SDR42E1: variants seen among roughly 807,000 people sequenced by gnomAD.
SDR42E1 encodes short-chain dehydrogenase/reductase family 42E member 1.
In SDR42E1, 5 loss-of-function variants were observed where a neutral mutation model predicts 2.6. That is an observed-to-expected ratio of 1.94 (90% CI 1.01 to 4.08). SDR42E1 has a LOEUF of 4.08. Among genes scored for constraint, SDR42E1 ranks in the 30% most tolerant of loss-of-function variants. The pLI is 0.00. For synonymous variants in SDR42E1, 231 were observed against 188.3 expected (o/e 1.23, Z -1.86); for missense variants, 596 against 478.6 (o/e 1.25, Z -2.29).
At position 81,998,997 on chromosome 16, in the gene SDR42E1, T is replaced by G. The variant is rs1205479096; in HGVS notation, c.*114A>C. On this transcript the variant is annotated 3_prime_UTR_variant, in exon 3 of 3. Coordinates refer to ENST00000328945, the MANE Select transcript of SDR42E1 (RefSeq NM_145168.3). ...TTCAATCCAAGAACCTATTCTTAAG[T>G]AGCAATTTGAAGAGCCAATGTTTGG... 9.3e-7 allele frequency: 1 copy of G among 1,069,800 alleles called. No individual in the cohort carries two copies. The highest frequency in any genetic ancestry group is 1.6e-5 in the African/African-American group (1 of 62,858). 66.3% of individuals were successfully genotyped at this position (1,069,800 alleles called of 1,614,324 possible). A position where few individuals can be genotyped will look rare whatever the true frequency, so the allele number is the denominator to read the frequency against.
In SDR42E1 at chr16:81,998,045, G is replaced by A. The variant is rs1008666610; in HGVS notation, c.*1066C>T. On this transcript the variant is annotated 3_prime_UTR_variant, in exon 3 of 3. Coordinates refer to ENST00000328945, the MANE Select transcript of SDR42E1 (RefSeq NM_145168.3). ...ATGGACTCTGTCTTCTTTCCACTTG[G>A]GTTCCTATGCAACAGTGTAACTGGA... The A allele has an allele frequency of 6.6e-6, 1 of 152,140 alleles. No homozygotes were observed. Among genetic ancestry groups the A allele is most frequent in the East Asian group, 1.9e-4 (1 of 5,200 alleles). 9.4% of individuals were successfully genotyped at this position (152,140 alleles called of 1,614,324 possible). A position where few individuals can be genotyped will look rare whatever the true frequency, so the allele number is the denominator to read the frequency against.
chr16:82,004,058 C>G (rs1025839254), intron 1 of SDR42E1, among the ~76,000 whole-genome samples: 1 of 152,080 alleles, frequency 6.6e-6, no homozygotes, highest in African/African-American at 2.4e-5. Flanking sequence ...AGATACAAAC[C>G]CAAACGAGAC....
chr16:82,001,989 C>CACAT (rs1191813271), intron 1 of SDR42E1, among the ~76,000 whole-genome samples: 1 of 150,812 alleles, frequency 6.6e-6, no homozygotes, highest in African/African-American at 2.5e-5. Flanking sequence ...CACACACACA[C>CACAT]ACATATACCT....
In SDR42E1 at chr16:81,999,347, C is replaced by G. The variant is rs1490363337; in HGVS notation, c.946G>C (p.Val316Leu). 6.2e-7 allele frequency: 1 copy of G among 1,614,104 alleles called. No homozygotes were observed. The highest frequency in any genetic ancestry group is 8.5e-7 in the Non-Finnish European group (1 of 1,180,056). Reference sequence around the variant, plus strand: ...TAATGTGTGACACCAGTTTTGTAAACTTCAGTGCGAGTGAGGAAGGGCTGG... The same window carrying G: ...TAATGTGTGACACCAGTTTTGTAAAGTTCAGTGCGAGTGAGGAAGGGCTGG... ...NFQPFLTRTE[V>L]YKTGVTHYFS... is the part of the protein sequence containing the mutation. Residue 316 changes from valine to leucine, a missense_variant, in exon 3 of 3, where the codon GTT becomes CTT. Coordinates refer to ENST00000328945, the MANE Select transcript of SDR42E1 (RefSeq NM_145168.3).
At position 81,994,167 on chromosome 16, in the gene SDR42E1, G is replaced by C. The variant is rs940412518; in HGVS notation, c.*4944C>G. 1 of 152,162 alleles carries C rather than the reference G, an allele frequency of 6.6e-6. No individual in the cohort carries two copies. Among genetic ancestry groups the C allele is most frequent in the African/African-American group, 2.4e-5 (1 of 41,424 alleles). 9.4% of individuals were successfully genotyped at this position (152,162 alleles called of 1,614,324 possible). ...AAGACTCACGTGAGAGGACGATCTG[G>C]AATGATGAGCGTCCCGCAGGCAGCG... On this transcript the variant is annotated 3_prime_UTR_variant, in exon 3 of 3. Coordinates refer to ENST00000328945, the MANE Select transcript of SDR42E1 (RefSeq NM_145168.3).
At chr16:82,006,014 A>C (rs1261080621) in intron 1 of SDR42E1, among the ~76,000 whole-genome samples, 1 of 152,236 alleles carries the variant, frequency 6.6e-6, no homozygotes, top group African/African-American at 2.4e-5. Flanking sequence ...TAAATGCTAA[A>C]GATCAGAAAT....
intron 1 of SDR42E1, among the ~76,000 whole-genome samples, chr16:82,006,640 A>T (rs1349781048): frequency 2.0e-5 from 3 of 152,138 alleles, no homozygotes; most frequent in Non-Finnish European, 4.4e-5. Flanking sequence ...TAAAAACAGA[A>T]AAAATTCGCC....
intron 1 of SDR42E1, among the ~76,000 whole-genome samples, chr16:82,002,797 A>C (rs550910619): frequency 6.6e-6 from 1 of 152,360 alleles, no homozygotes; most frequent in African/African-American, 2.4e-5. Flanking sequence ...GCTGATAATA[A>C]GCCTGCCTGA....
Position 81,999,805 on chromosome 16 carries a change from A to G in SDR42E1, c.488T>C (p.Val163Ala), listed in dbSNP as rs760278554. 6.2e-6 allele frequency: 10 copies of G among 1,614,064 alleles called. No individual in the cohort carries two copies. The Admixed American group carries it at 1.7e-4, about 27-fold the overall frequency. ...CAGGGGTGTAGCATTCGCCTCCAGC[A>G]CCTTCTGCTCTGCAATTGACTTTGT... ...SRTKSIAEQK[V>A]LEANATPLDR... Residue 163 changes from valine (V) to alanine (A), a missense_variant, in exon 3 of 3, where the codon GTG becomes GCG. Coordinates refer to ENST00000328945, the MANE Select transcript of SDR42E1 (RefSeq NM_145168.3).
chr16:81,999,989 C>A lies in SDR42E1; in HGVS notation c.304G>T (p.Gly102Cys). The change falls in exon 3 of 3, where the codon GGC becomes TGC. Residue 102 changes from glycine to cysteine, a missense_variant. Physicochemically the swap from Gly to Cys is radical, Grantham distance 159. Coordinates refer to ENST00000328945, the MANE Select transcript of SDR42E1 (RefSeq NM_145168.3). ...RNLIKEVNVR[G>C]TDNILQVCQR... ...CAAACCTGGAGGATGTTGTCTGTGC[C>A]CCTGACGTTGACTTCTTTGATCAGG... 1 of 1,614,166 alleles carries A rather than the reference C, an allele frequency of 6.2e-7. No individual in the cohort carries two copies. Among genetic ancestry groups the A allele is most frequent in the Non-Finnish European group, 8.5e-7 (1 of 1,180,030 alleles).
In SDR42E1 at chr16:81,998,948, G is replaced by C. The variant is rs893734657; in HGVS notation, c.*163C>G. On this transcript the variant is annotated 3_prime_UTR_variant, in exon 3 of 3. Coordinates refer to ENST00000328945, the MANE Select transcript of SDR42E1 (RefSeq NM_145168.3). ...TGCTTTTTCATTCCCATCTGGATTAGTGCAAGGAAATAAGACATAAAGATT... is the reference window on the plus strand; with the variant it reads ...TGCTTTTTCATTCCCATCTGGATTACTGCAAGGAAATAAGACATAAAGATT... 1 of 712,948 alleles carries C rather than the reference G, an allele frequency of 1.4e-6. No homozygotes were observed. The allele number at this position is 712,948 out of a possible 1,614,324, so 44.2% of individuals were successfully genotyped here. A position where few individuals can be genotyped will look rare whatever the true frequency, so the allele number is the denominator to read the frequency against.
chr16:81,992,593 T>A lies in SDR42E1; in HGVS notation c.*6518A>T, dbSNP rs1912452303. 1 of 152,204 alleles carries A rather than the reference T, an allele frequency of 6.6e-6. No individual in the cohort carries two copies. Among genetic ancestry groups the A allele is most frequent in the Non-Finnish European group, 1.5e-5 (1 of 68,028 alleles). The allele number at this position is 152,204 out of a possible 1,614,324, so 9.4% of individuals were successfully genotyped here. A position where few individuals can be genotyped will look rare whatever the true frequency, so the allele number is the denominator to read the frequency against. ...AGGCTAGAGCAAAAGATATGTAGAA[T>A]ACTTGCCAAGATTAAAATCTTGCAT... is the stretch of plus-strand genomic sequence containing the variant. On this transcript the variant is annotated 3_prime_UTR_variant, in exon 3 of 3. Transcript: ENST00000328945.
In SDR42E1 at chr16:81,999,560, G is replaced by A. The variant is rs1912665339; in HGVS notation, c.733C>T (p.His245Tyr). The A allele has an allele frequency of 1.1e-5, 18 of 1,614,160 alleles. No individual in the cohort carries two copies. The highest frequency in any genetic ancestry group is 1.4e-5 in the Non-Finnish European group (17 of 1,180,038). ...AAGTAGGGCTGCCCAGAGGCAATAT[G>A]GCCCTTGTCAGCTCTCAGGGCTTCT... The part of the protein sequence containing the change: ...ASEALRADKG[H>Y]IASGQPYFIS... The change falls in exon 3 of 3, where the codon CAT becomes TAT. Residue 245 changes from histidine (H) to tyrosine (Y), a missense_variant. His to Tyr is a moderately conservative substitution (Grantham distance 83). Coordinates refer to ENST00000328945, the MANE Select transcript of SDR42E1 (RefSeq NM_145168.3).
chr16:82,009,179 A>G (rs1913044258), intron 1 of SDR42E1, among the ~76,000 whole-genome samples: 1 of 152,186 alleles, frequency 6.6e-6, no homozygotes, highest in Middle Eastern at 3.2e-3. Flanking sequence ...TGGGGCCCTC[A>G]TGGAGAACCA....
rs1912485455 is a variant in SDR42E1 at position 81,993,982 on chromosome 16, A to G, written c.*5129T>C. 6.6e-6 allele frequency: 1 copy of G among 152,228 alleles called. No individual in the cohort carries two copies. Among genetic ancestry groups the G allele is most frequent in the Non-Finnish European group, 1.5e-5 (1 of 68,046 alleles). The allele number at this position is 152,228 out of a possible 1,614,324, so 9.4% of individuals were successfully genotyped here. A position where few individuals can be genotyped will look rare whatever the true frequency, so the allele number is the denominator to read the frequency against. On this transcript the variant is annotated 3_prime_UTR_variant, in exon 3 of 3. Coordinates refer to ENST00000328945, the MANE Select transcript of SDR42E1 (RefSeq NM_145168.3). ...CAAAAGACGACCCCCGTTTGAAAGA[A>G]AGAGGGCACAGAGGTGAGTGGAGAG...
In SDR42E1 at chr16:81,995,764, G is replaced by C. The variant is rs1912527903; in HGVS notation, c.*3347C>G. 6.6e-6 allele frequency: 1 copy of C among 152,226 alleles called. No individual in the cohort carries two copies. Among genetic ancestry groups the C allele is most frequent in the Admixed American group, 6.5e-5 (1 of 15,282 alleles). The allele number at this position is 152,226 out of a possible 1,614,324, so 9.4% of individuals were successfully genotyped here. On this transcript the variant is annotated 3_prime_UTR_variant, in exon 3 of 3. Coordinates refer to ENST00000328945, the MANE Select transcript of SDR42E1 (RefSeq NM_145168.3). ...AACTCCTGCACTGTGCCGGGCATTA[G>C]GAGTACAGCTGTAAGCAAGACAAAG... is the stretch of plus-strand genomic sequence containing the variant.
In SDR42E1 at chr16:81,999,689, T is replaced by C; in HGVS notation, c.604A>G (p.Ser202Gly). The C allele has an allele frequency of 2.5e-6, 4 of 1,614,208 alleles. No homozygotes were observed. Among genetic ancestry groups the C allele is most frequent in the Non-Finnish European group, 3.4e-6 (4 of 1,180,044 alleles). Residue 202 changes from serine (S) to glycine (G), a missense_variant, in exon 3 of 3, where the codon AGC (serine) becomes GGC (glycine). Transcript: ENST00000328945. ...TTGAACAGACCCTTCTCGATGTAGCTGACTATCCTGGGAAGGTGTCTTTGT... is the reference window on the plus strand; with the variant it reads ...TTGAACAGACCCTTCTCGATGTAGCCGACTATCCTGGGAAGGTGTCTTTGT... ...GEQRHLPRIV[S>G]YIEKGLFKFV...
At chr16:82,003,091 G>A (rs959684077) in intron 1 of SDR42E1, among the ~76,000 whole-genome samples, 1 of 152,170 alleles carries the variant, frequency 6.6e-6, no homozygotes, top group Non-Finnish European at 1.5e-5. Context: ...GTGAAGACAA[G>A]GTTCAGCAAG....
intron 1 of SDR42E1, among the ~76,000 whole-genome samples, chr16:82,011,111 G>C (rs1416834153): frequency 1.3e-5 from 2 of 152,218 alleles, no homozygotes; most frequent in Non-Finnish European, 2.9e-5. Flanking sequence ...GCCACCTGTG[G>C]AAAGTTCGGA....
Sources: allele counts gnomAD v4.1 joint callset (sites outside exome capture counted in the v4.1 genomes callset), GRCh38; gene constraint gnomAD v4.1.1; transcripts MANE v1.5; gene names NCBI Gene and HGNC (gene_info 2026-07-23, HGNC 2026-07-21).